Variants in ARFGEF2 observed in about 807,000 individuals in gnomAD.
ARFGEF2 encodes the protein brefeldin A-inhibited guanine nucleotide-exchange protein 2.
A neutral mutation model predicts 219.9 loss-of-function variants in ARFGEF2; 74 were observed. The ratio of observed to expected loss-of-function variants is 0.34; its 90% confidence interval spans 0.28 to 0.41. ARFGEF2 has a LOEUF of 0.41. Ranked by LOEUF, ARFGEF2 falls within the 10% of genes least tolerant of loss-of-function variation. The pLI, the probability that ARFGEF2 is intolerant of heterozygous loss-of-function variation, is 1.00. For synonymous variants in ARFGEF2, 733 were observed against 799.2 expected (o/e 0.92, Z 1.40); for missense variants, 1,743 against 2,218.3 (o/e 0.79, Z 4.30).
At chr20:48,981,274 A>C (rs1455022812) in intron 14 of ARFGEF2, among the ~76,000 whole-genome samples, 1 of 152,188 alleles carries the variant, frequency 6.6e-6, no homozygotes, top group African/African-American at 2.4e-5. Flanking sequence ...TTCTGGGTTG[A>C]AAGTTCTTTT....
chr20:49,028,946 G>A (rs2091618688), intron 37 of ARFGEF2, among the ~76,000 whole-genome samples: 1 of 152,208 alleles, frequency 6.6e-6, no homozygotes. Flanking sequence ...GCTCCGAGCG[G>A]TCAGCAGGCT....
intron 14 of ARFGEF2, among the ~76,000 whole-genome samples, chr20:48,978,347 T>C (rs1310326951): frequency 2.0e-5 from 3 of 152,260 alleles, no homozygotes; most frequent in African/African-American, 4.8e-5. Context: ...TCTGTTTTGG[T>C]ACCAGTACCA....
Position 49,007,319 on chromosome 20 carries a change from T to G in ARFGEF2, c.3584+2098T>G, listed in dbSNP as rs575083122. Reference sequence around the variant, plus strand: ...TTTTTTTTTTTTTGAGACGGAGTTTTGCTCTTTTTGCCGAGGCTGGAGTGT... The same window carrying G: ...TTTTTTTTTTTTTGAGACGGAGTTTGGCTCTTTTTGCCGAGGCTGGAGTGT... On this transcript the variant is annotated intron_variant, in intron 26 of 38. Coordinates refer to ENST00000371917, the MANE Select transcript of ARFGEF2 (RefSeq NM_006420.3). Among the ~76,000 whole-genome samples the G allele has an allele frequency of 4.3e-4, 65 of 151,826 alleles. 1 individual carries two copies. The highest frequency in any genetic ancestry group is 1.6e-3 in the African/African-American group (65 of 41,434).
chr20:48,965,712 A>G (rs1344162471), intron 7 of ARFGEF2, among the ~76,000 whole-genome samples, 160 bp from the exon 8 acceptor site: 1 of 152,228 alleles, frequency 6.6e-6, no homozygotes, highest in Non-Finnish European at 1.5e-5. Flanking sequence ...CACTTTGGCC[A>G]AGGCTTTTCC....
chr20:49,035,748 G>T lies in ARFGEF2; in HGVS notation c.*2549G>T. The T allele has an allele frequency of 2.6e-5, 4 of 153,276 alleles. No homozygotes were observed. Among genetic ancestry groups the T allele is most frequent in the Non-Finnish European group, 4.3e-5 (3 of 69,120 alleles). 9.5% of individuals were successfully genotyped at this position (153,276 alleles called of 1,614,324 possible). Reference sequence around the variant, plus strand: ...TGGGTCTCTAGAGAAGTTTTTATTTGTTACAATACTGCTGCTTTGAGCAAT... The same window carrying T: ...TGGGTCTCTAGAGAAGTTTTTATTTTTTACAATACTGCTGCTTTGAGCAAT... On this transcript the variant is annotated 3_prime_UTR_variant, in exon 39 of 39. Coordinates refer to ENST00000371917, the MANE Select transcript of ARFGEF2 (RefSeq NM_006420.3).
chr20:48,964,027 C>A, intron 7 of ARFGEF2, 129 bp downstream of exon 7: 2 of 805,854 alleles, frequency 2.5e-6, no homozygotes, highest in Non-Finnish European at 2.1e-6. Flanking sequence ...GAAACTGAAT[C>A]TTCCCACGTC....
intron 14 of ARFGEF2, among the ~76,000 whole-genome samples, chr20:48,977,068 G>T (rs1474944087): frequency 6.6e-6 from 1 of 151,784 alleles, no homozygotes; most frequent in Non-Finnish European, 1.5e-5. Flanking sequence ...ATGTTGGTTT[G>T]CTGCACCCAT....
At chr20:48,956,531 G>A (rs2091106636) in intron 6 of ARFGEF2, among the ~76,000 whole-genome samples, 1 of 152,178 alleles carries the variant, frequency 6.6e-6, no homozygotes, top group Admixed American at 6.5e-5. Flanking sequence ...TACAGATACT[G>A]TGTAGAATTA....
intron 9 of ARFGEF2, 45 bp from the exon 10 acceptor site, chr20:48,971,075 A>G (rs1568713149): frequency 2.6e-6 from 4 of 1,532,370 alleles, no homozygotes; most frequent in Non-Finnish European, 2.7e-6. Context: ...ACTGTTTGAC[A>G]TTTTTTCTTT....
At chr20:48,953,972 C>A (rs548893084) in intron 6 of ARFGEF2, among the ~76,000 whole-genome samples, 182 bp downstream of exon 6, 55 of 152,312 alleles carry the variant, frequency 3.6e-4, no homozygotes, top group African/African-American at 1.3e-3. Context: ...TGTCAAGTGT[C>A]CCGTTGTCAG....
Position 48,972,422 on chromosome 20 carries a change from G to A in ARFGEF2, c.1522G>A (p.Ala508Thr). 3.7e-6 allele frequency: 6 copies of A among 1,612,810 alleles called. No individual in the cohort carries two copies. Among genetic ancestry groups the A allele is most frequent in the Non-Finnish European group, 5.1e-6 (6 of 1,178,838 alleles). The change falls in exon 11 of 39, where the codon GCA becomes ACA. Residue 508 changes from alanine to threonine, a missense_variant. By Grantham distance (58) the Ala-to-Thr change is moderately conservative. Transcript: ENST00000371917. Reference sequence around the variant, plus strand: ...CATTCAGACTCTGACGAGGATCTGTGCAGGTATTTCCACCTGGGGACACTC... The same window carrying A: ...CATTCAGACTCTGACGAGGATCTGTACAGGTATTTCCACCTGGGGACACTC... Reference protein sequence around the residue: ...MVIQTLTRICADAQCVVDIYV... With the variant: ...MVIQTLTRICTDAQCVVDIYV...
intron 7 of ARFGEF2, 122 bp from the exon 8 acceptor site, chr20:48,965,750 C>G: frequency 8.5e-7 from 1 of 1,175,662 alleles, no homozygotes; most frequent in Non-Finnish European, 1.3e-6. Flanking sequence ...GGGCTGGTGG[C>G]ACAGGAAAAG....
chr20:48,947,111 G>C (rs1437654598), intron 3 of ARFGEF2, among the ~76,000 whole-genome samples: 1 of 152,120 alleles, frequency 6.6e-6, no homozygotes, highest in East Asian at 1.9e-4. Flanking sequence ...TAAAATTATA[G>C]GTTAGGGCCA....
intron 3 of ARFGEF2, 83 bp downstream of exon 3, chr20:48,942,070 C>T (rs777022748): frequency 3.8e-6 from 6 of 1,560,710 alleles, no homozygotes; most frequent in Non-Finnish European, 4.4e-6. Context: ...CTGGGGACCA[C>T]GCTGGCACTC....
At chr20:48,943,824 A>T (rs1411333324) in intron 3 of ARFGEF2, among the ~76,000 whole-genome samples, 2 of 152,270 alleles carry the variant, frequency 1.3e-5, no homozygotes, top group Non-Finnish European at 1.5e-5. Context: ...AGTGATCCAC[A>T]GCTTGCCAAT....
rs548229211 is a variant in ARFGEF2, at chr20:48,980,143, A to C, written c.1958+3944A>C. On this transcript the variant is annotated intron_variant, in intron 14 of 38. Coordinates refer to ENST00000371917, the MANE Select transcript of ARFGEF2 (RefSeq NM_006420.3). ...TAGTGCTATAAATTTCCCTCTACAC[A>C]CTGCTTTAAATGTGTCCCAGAGACT... 4.9e-4 allele frequency among the ~76,000 whole-genome samples: 75 copies of C among 152,220 alleles called. 1 individual carries two copies. Among genetic ancestry groups the C allele is most frequent in the African/African-American group, 1.8e-3 (73 of 41,556 alleles).
chr20:49,003,994 A>T (rs1055119119), intron 25 of ARFGEF2, among the ~76,000 whole-genome samples: 1 of 152,184 alleles, frequency 6.6e-6, no homozygotes, highest in Non-Finnish European at 1.5e-5. Context: ...CCCTTCATAT[A>T]TATATATTTG....
intron 6 of ARFGEF2, among the ~76,000 whole-genome samples, chr20:48,955,945 A>G (rs533399870): frequency 2.0e-5 from 3 of 152,246 alleles, no homozygotes; most frequent in Non-Finnish European, 2.9e-5. Context: ...CTCTAAATAA[A>G]TAAACACCCC....
At position 48,921,747 on chromosome 20, in the gene ARFGEF2, G is replaced by C. The variant is rs1203253158; in HGVS notation, c.-143G>C. The C allele has an allele frequency of 2.3e-6, 2 of 869,406 alleles. No homozygotes were observed. The highest frequency in any genetic ancestry group is 5.6e-5 in the South Asian group (1 of 17,812). The allele number at this position is 869,406 out of a possible 1,614,324, so 53.9% of individuals were successfully genotyped here. A position where few individuals can be genotyped will look rare whatever the true frequency, so the allele number is the denominator to read the frequency against. On this transcript the variant is annotated 5_prime_UTR_variant, in exon 1 of 39. Coordinates refer to ENST00000371917, the MANE Select transcript of ARFGEF2 (RefSeq NM_006420.3). ...TGACGCGCTCCAACATGGCGGCGCC[G>C]TGGGGCCGAGGTGTCGCTTCCTGAC...
Sources: gnomAD v4.1 joint callset for allele counts (sites outside exome capture counted in the v4.1 genomes callset) on GRCh38, gnomAD v4.1.1 for gene constraint, MANE v1.5 for transcripts, NCBI Gene and HGNC (gene_info 2026-07-23, HGNC 2026-07-21) for gene names.